The following TBC1D1 variants were observed in gnomAD, a reference collection of about 807,000 sequenced individuals.
TBC1D1 encodes the protein TBC1 (tre-2/USP6, BUB2, cdc16) domain family, member 1.
TBC1D1 carries 89 observed loss-of-function variants against 125.6 expected under a neutral mutation model. The observed-to-expected ratio is 0.71, with a 90% CI of 0.60 to 0.85. The LOEUF is 0.85. Among genes scored for constraint, TBC1D1 ranks in the 40% least tolerant of loss-of-function variants. TBC1D1 has a pLI of 0.00. For synonymous variants in TBC1D1, 565 were observed against 564.1 expected, an observed-to-expected ratio of 1.00 and a Z score of -0.02; for missense variants, 1,377 against 1,469.2, an observed-to-expected ratio of 0.94 and a Z score of 1.03.
intron 15 of TBC1D1, among the ~76,000 whole-genome samples, chr4:38,113,394 C>A (rs1353118776): frequency 6.6e-6 from 1 of 152,324 alleles, no homozygotes; most frequent in East Asian, 1.9e-4. Context: ...AATAGCCACT[C>A]TACAAGCGGT....
chr4:37,999,330 G>C (rs1206873510), intron 2 of TBC1D1, among the ~76,000 whole-genome samples: 1 of 152,088 alleles, frequency 6.6e-6, no homozygotes, highest in Non-Finnish European at 1.5e-5. Context: ...TGTAGGTAAA[G>C]TTTACCTACA....
intron 2 of TBC1D1, among the ~76,000 whole-genome samples, chr4:37,923,110 C>T (rs1279744614): frequency 6.6e-6 from 1 of 152,086 alleles, no homozygotes; most frequent in African/African-American, 2.4e-5. Context: ...TCCCCTAGCC[C>T]CCCACCCCTT....
intron 18 of TBC1D1, among the ~76,000 whole-genome samples, chr4:38,129,694 A>G (rs147128786): frequency 6.6e-6 from 1 of 152,354 alleles, no homozygotes; most frequent in Non-Finnish European, 1.5e-5. Flanking sequence ...TGCTGAGTCT[A>G]CAATAGCAAA....
chr4:37,951,297 T>C (rs1408903545), intron 2 of TBC1D1, among the ~76,000 whole-genome samples: 2 of 152,192 alleles, frequency 1.3e-5, no homozygotes, highest in Non-Finnish European at 1.5e-5. Context: ...TGGGTGTGGA[T>C]ACTGAAATAA....
At chr4:38,107,577 GTTTTTTTTTTTT>G (rs3038351) in intron 15 of TBC1D1, among the ~76,000 whole-genome samples, 1 of 53,104 alleles carries the variant, frequency 1.9e-5, no homozygotes, top group Non-Finnish European at 3.1e-5. Flanking sequence ...GTCTAAACAG[GTTTTTTTTTTTT>G]TTTTTTTTTT....
intron 2 of TBC1D1, among the ~76,000 whole-genome samples, chr4:37,953,575 G>A (rs949854423): frequency 1.3e-5 from 2 of 152,182 alleles, no homozygotes; most frequent in African/African-American, 4.8e-5. Context: ...CACTATAACT[G>A]TTTAATCATG....
At chr4:37,956,185 A>G (rs73236850) in intron 2 of TBC1D1, among the ~76,000 whole-genome samples, 12,452 of 151,734 alleles carry the variant, frequency 0.082, 616 homozygotes, top group Middle Eastern at 0.13. Flanking sequence ...TAATTTTTGT[A>G]TTTTTTGTAG....
intron 14 of TBC1D1, 84 bp downstream of exon 16, chr4:38,096,174 C>A: frequency 8.4e-7 from 1 of 1,185,750 alleles, no homozygotes; most frequent in Non-Finnish European, 1.2e-6. Context: ...AAAGTCAAGT[C>A]TAATTTTAGT....
At chr4:38,112,981 GAT>G (rs1318831228) in intron 15 of TBC1D1, among the ~76,000 whole-genome samples, 2 of 152,178 alleles carry the variant, frequency 1.3e-5, no homozygotes, top group African/African-American at 4.8e-5. Context: ...TCAGCTTGCT[GAT>G]AAAGGTCATT....
chr4:38,088,156 TAAA>T (rs750322701), intron 12 of TBC1D1, among the ~76,000 whole-genome samples: 12 of 149,738 alleles, frequency 8.0e-5, no homozygotes, highest in African/African-American at 2.5e-4. Flanking sequence ...GGTAAAAGAA[TAAA>T]AAAAAAGAAA....
intron 2 of TBC1D1, among the ~76,000 whole-genome samples, chr4:37,938,015 A>G (rs1334199721): frequency 6.6e-6 from 1 of 152,144 alleles, no homozygotes; most frequent in Non-Finnish European, 1.5e-5. Flanking sequence ...CCTTTGCCCT[A>G]ATTGTTTTAA....
chr4:38,020,546 C>A, intron 4 of TBC1D1, 45 bp from the exon 5 acceptor site: 1 of 1,477,694 alleles, frequency 6.8e-7, no homozygotes, highest in Non-Finnish European at 9.4e-7. Flanking sequence ...GAGGATGGTG[C>A]GTCTTCTGGA....
intron 2 of TBC1D1, among the ~76,000 whole-genome samples, chr4:37,991,174 A>G (rs1461700291): frequency 2.6e-5 from 4 of 152,216 alleles, no homozygotes; most frequent in Non-Finnish European, 5.9e-5. Flanking sequence ...ATAATTTCCC[A>G]AATGTAGTAA....
chr4:37,978,636 GT>G (rs1733738410), intron 2 of TBC1D1, among the ~76,000 whole-genome samples: 1 of 148,380 alleles, frequency 6.7e-6, no homozygotes, highest in Non-Finnish European at 1.5e-5. Flanking sequence ...ATGGGCAAAA[GT>G]TTTTAGGTAG....
At chr4:37,989,780 G>T (rs1247322673) in intron 2 of TBC1D1, among the ~76,000 whole-genome samples, 1 of 152,172 alleles carries the variant, frequency 6.6e-6, no homozygotes, top group Non-Finnish European at 1.5e-5. Flanking sequence ...CCTTGCCCAA[G>T]GTCACAACTC....
rs540475679 is a variant in TBC1D1 at position 38,126,042 on chromosome 4, G to A, written c.3132+911G>A. On this transcript the variant is annotated intron_variant, in intron 18 of 19. Coordinates refer to ENST00000261439, the MANE Select transcript of TBC1D1 (RefSeq NM_015173.4). ...TGCATCATTAGGTGATTTCATCATT[G>A]TGCAAACTTCATAAAGTGTACTTAA... Among the ~76,000 whole-genome samples, 45 of 152,250 alleles carry A rather than the reference G, an allele frequency of 3.0e-4. No homozygotes were observed. In the South Asian group the frequency reaches 7.5e-3, roughly 25 times the overall value.
At chr4:38,037,143 C>T (rs538325860) in intron 8 of TBC1D1, among the ~76,000 whole-genome samples, 1 of 152,120 alleles carries the variant, frequency 6.6e-6, no homozygotes, top group South Asian at 2.1e-4. Flanking sequence ...GATGGAAAGT[C>T]TTCTTTTACT....
chr4:37,895,946 T>A (rs556976026), intron 1 of TBC1D1, among the ~76,000 whole-genome samples: 2 of 152,244 alleles, frequency 1.3e-5, no homozygotes, highest in Admixed American at 6.5e-5. Context: ...GTGGAGGAAG[T>A]GGATGAAGAG....
At position 37,977,614 on chromosome 4, in the gene TBC1D1, G is replaced by A. The variant is rs895868221; in HGVS notation, c.418-36895G>A. 8.0e-6 allele frequency: 3 copies of A among 377,110 alleles called. No individual in the cohort carries two copies. The highest frequency in any genetic ancestry group is 4.4e-5 in the African/African-American group (2 of 45,516). 23.4% of individuals were successfully genotyped at this position (377,110 alleles called of 1,614,324 possible). On this transcript the variant is annotated intron_variant, in intron 2 of 19. Transcript: ENST00000261439. This position sits in a 1 kb window ranked among gnomAD's most constrained non-coding sequence, Gnocchi z 4.3. The stretch of plus-strand genomic sequence containing the variant: ...CATTTGTAACCTTCGGGCCGGGGCT[G>A]GGCCGGGCCGCTGGAGGCCAGGCGC...
Sources: gnomAD v4.1 joint callset for allele counts (sites outside exome capture counted in the v4.1 genomes callset) on GRCh38, gnomAD v4.1.1 for gene constraint, Gnocchi (gnomAD v3.1) non-coding constraint, MANE v1.5 for transcripts, NCBI Gene and HGNC (gene_info 2026-07-23, HGNC 2026-07-21) for gene names.